Variants in ATAD2 observed in about 807,000 individuals in gnomAD.
ATAD2 encodes ATPase family AAA domain-containing protein 2.
ATAD2 carries 62 observed loss-of-function variants against 168.9 expected under a neutral mutation model. That is an observed-to-expected ratio of 0.37 (90% CI 0.30 to 0.45). The LOEUF is 0.45. ATAD2 is among the 20% of genes least tolerant of loss of function. The pLI is 1.00. For synonymous variants in ATAD2, 613 were observed against 571.6 expected, an observed-to-expected ratio of 1.07 and a Z score of -1.03; for missense variants, 1,419 against 1,667.8, an observed-to-expected ratio of 0.85 and a Z score of 2.60.
Position 123,369,920 on chromosome 8 carries a change from CA to C in ATAD2, c.831del (p.Asp277GlufsTer72). The C allele has an allele frequency of 7.0e-7, 1 of 1,438,310 alleles. No homozygotes were observed. Among genetic ancestry groups the C allele is most frequent in the Non-Finnish European group, 9.6e-7 (1 of 1,046,788 alleles). 89.1% of individuals were successfully genotyped at this position (1,438,310 alleles called of 1,614,324 possible). On this transcript the variant is annotated frameshift_variant, in exon 7 of 28. Coordinates refer to ENST00000287394, the MANE Select transcript of ATAD2 (RefSeq NM_014109.4). LOFTEE classifies it high-confidence loss of function. ...CCATCTTCTTCATCTTCATCATCTT[CA>C]TCATCATCATCATCATCATCATCGT... ...DDDDDDDDDD[D>X]EDDEDEEDGE... is the part of the protein sequence containing the mutation.
intron 2 of ATAD2, among the ~76,000 whole-genome samples, chr8:123,379,888 TTA>T (rs1360656629): frequency 1.9e-3 from 237 of 122,192 alleles, no homozygotes; most frequent in African/African-American, 5.5e-3. Flanking sequence ...ATTATTATTA[TTA>T]TTTTTTTTTT....
At chr8:123,348,111 C>G in intron 15 of ATAD2, 72 bp downstream of exon 15, 1 of 1,262,726 alleles carries the variant, frequency 7.9e-7, no homozygotes, top group Non-Finnish European at 1.1e-6. Flanking sequence ...ACTTTTGCAC[C>G]AACCTAATAT....
intron 3 of ATAD2, 47 bp downstream of exon 3, chr8:123,372,590 T>C: frequency 1.4e-6 from 2 of 1,407,568 alleles, no homozygotes; most frequent in Non-Finnish European, 1.9e-6. Flanking sequence ...GTAAACAGAA[T>C]ATTAATTACA....
rs562737013 is a variant in ATAD2, at chr8:123,329,091, G to A, written c.3479-512C>T. Among the ~76,000 whole-genome samples, 40 of 152,140 alleles carry A rather than the reference G, an allele frequency of 2.6e-4. 1 individual carries two copies. The highest frequency in any genetic ancestry group is 6.5e-4 in the African/African-American group (27 of 41,506). On this transcript the variant is annotated intron_variant, in intron 24 of 27. Transcript: ENST00000287394. ...GCTGGGATTACAAGCGTGAGCCACC[G>A]CACCCGGCCTATCTTGAATACTTTT... is the stretch of plus-strand genomic sequence containing the variant.
At chr8:123,353,812 T>C (rs1159667847) in intron 13 of ATAD2, among the ~76,000 whole-genome samples, 1 of 152,160 alleles carries the variant, frequency 6.6e-6, no homozygotes, top group East Asian at 1.9e-4. Flanking sequence ...CAAGTTTCTA[T>C]TGATATTTGC....
At chr8:123,380,411 A>T in intron 2 of ATAD2, 118 bp downstream of exon 2, 1 of 1,072,828 alleles carries the variant, frequency 9.3e-7, no homozygotes, top group Non-Finnish European at 1.3e-6. Flanking sequence ...CAAATAAACT[A>T]CATTTTATAG....
At chr8:123,403,244 G>A (rs948539926) in intron 1 of ATAD2, among the ~76,000 whole-genome samples, 2 of 151,570 alleles carry the variant, frequency 1.3e-5, no homozygotes, top group Non-Finnish European at 2.9e-5. Context: ...GACTACAGGG[G>A]TACACCTCTG....
rs1046867674 is a variant in ATAD2 at position 123,368,982 on chromosome 8, C to A, written c.1049+76G>T. On this transcript the variant is annotated intron_variant, in intron 8 of 27. Transcript: ENST00000287394. ...AGAATTTTATCCTAATACACCCAAT[C>A]CTGAAAGTCTAGAGTCCAGCCCTAA... 4.9e-5 allele frequency: 38 copies of A among 782,476 alleles called. No individual in the cohort carries two copies. In the Admixed American group the frequency reaches 9.3e-4, roughly 19 times the overall value. 48.5% of individuals were successfully genotyped at this position (782,476 alleles called of 1,614,324 possible). A position where few individuals can be genotyped will look rare whatever the true frequency, so the allele number is the denominator to read the frequency against.
intron 1 of ATAD2, among the ~76,000 whole-genome samples, chr8:123,391,006 G>C (rs1402353669): frequency 6.6e-6 from 1 of 151,162 alleles, no homozygotes; most frequent in African/African-American, 2.4e-5. Flanking sequence ...GGCGACAAAA[G>C]CAAAACACAG....
chr8:123,338,776 C>T (rs1050068418), intron 20 of ATAD2, among the ~76,000 whole-genome samples: 9 of 152,092 alleles, frequency 5.9e-5, no homozygotes, highest in Admixed American at 5.9e-4. Context: ...GCATGAGCCT[C>T]TTGTCCTAGC....
chr8:123,334,300 G>T lies in ATAD2; in HGVS notation c.3234C>A (p.Ala1078=). The T allele has an allele frequency of 6.3e-7, 1 of 1,580,002 alleles. No homozygotes were observed. The highest frequency in any genetic ancestry group is 1.2e-5 in the South Asian group (1 of 84,500). The change falls in exon 23 of 28, where the codon GCC becomes GCA. Residue 1078 remains alanine (A), a synonymous_variant. Coordinates refer to ENST00000287394, the MANE Select transcript of ATAD2 (RefSeq NM_014109.4). ...CATAGGCAGTATCTCTTAAAGCACA[G>T]GCTCTATGCCTAATAAGACGATCTA... ...DPGDRLIRHR[A]CALRDTAYAI...
chr8:123,388,321 C>T (rs189894026), intron 1 of ATAD2, among the ~76,000 whole-genome samples: 176 of 152,268 alleles, frequency 1.2e-3, no homozygotes, highest in African/African-American at 3.9e-3. Flanking sequence ...TCAGCCTCCC[C>T]GGTAGTAGCT....
upstream of ATAD2, chr8:123,400,653 A>G (rs1812983862): frequency 4.3e-6 from 3 of 698,238 alleles, no homozygotes; most frequent in South Asian, 1.4e-5. The surrounding 1 kb of genome is among the most constrained non-coding windows in gnomAD (Gnocchi z 4.5). Context: ...TCTTCGCCAG[A>G]GCCGACAGCC....
chr8:123,362,160 T>C (rs544393895), intron 8 of ATAD2, among the ~76,000 whole-genome samples: 1 of 152,012 alleles, frequency 6.6e-6, no homozygotes, highest in Non-Finnish European at 1.5e-5. Context: ...GGTATGGTTG[T>C]AGCACATCTG....
intron 24 of ATAD2, among the ~76,000 whole-genome samples, chr8:123,332,736 A>G (rs541609772): frequency 6.6e-6 from 1 of 152,310 alleles, no homozygotes; most frequent in Admixed American, 6.5e-5. Flanking sequence ...CCAACCTAAT[A>G]TTATGAATAT....
intron 13 of ATAD2, among the ~76,000 whole-genome samples, chr8:123,350,634 G>A (rs185267142): frequency 1.3e-5 from 2 of 152,198 alleles, no homozygotes; most frequent in African/African-American, 4.8e-5. Context: ...CCACGTTCTG[G>A]ACTGGGCTGA....
intron 9 of ATAD2, among the ~76,000 whole-genome samples, chr8:123,360,996 C>T (rs1828801164): frequency 6.6e-6 from 1 of 150,818 alleles, no homozygotes; most frequent in Non-Finnish European, 1.5e-5. Context: ...ACTGTTTGAC[C>T]AGAACCACTG....
chr8:123,408,549 T>C (rs1813100884), intron 1 of ATAD2, among the ~76,000 whole-genome samples: 1 of 151,720 alleles, frequency 6.6e-6, no homozygotes, highest in Non-Finnish European at 1.5e-5. Context: ...AGAGTTTCAC[T>C]CTTGTCGCCC....
At chr8:123,359,373 G>A (rs1200920911) in intron 10 of ATAD2, 37 bp from the exon 11 acceptor site, 2 of 1,484,022 alleles carry the variant, frequency 1.3e-6, no homozygotes, top group East Asian at 4.5e-5. Flanking sequence ...TTTTAGATTT[G>A]GAGTCCAGAT....
Sources: gnomAD v4.1 joint callset for allele counts (sites outside exome capture counted in the v4.1 genomes callset) on GRCh38, gnomAD v4.1.1 for gene constraint, Gnocchi (gnomAD v3.1) non-coding constraint, MANE v1.5 for transcripts, NCBI Gene and HGNC (gene_info 2026-07-23, HGNC 2026-07-21) for gene names.